The following ARHGAP26 variants were observed in gnomAD, a reference collection of about 807,000 sequenced individuals.
The protein encoded by ARHGAP26 is Rho GTPase activating protein 26, also known as rho GTPase-activating protein 26.
ARHGAP26 carries 38 observed loss-of-function variants against 104.8 expected under a neutral mutation model. That is an observed-to-expected ratio of 0.36 (90% CI 0.28 to 0.48). ARHGAP26 has a LOEUF of 0.48. Among genes scored for constraint, ARHGAP26 ranks in the 20% least tolerant of loss-of-function variants. The pLI, the probability that ARHGAP26 is intolerant of heterozygous loss-of-function variation, is 0.99. For synonymous variants in ARHGAP26, 341 were observed against 340.0 expected (o/e 1.00, Z -0.03); for missense variants, 704 against 947.9 (o/e 0.74, Z 3.38).
At chr5:143,029,396 T>A in intron 12 of ARHGAP26, among the ~76,000 whole-genome samples, 1 of 85,232 alleles carries the variant, frequency 1.2e-5, no homozygotes, top group Non-Finnish European at 2.0e-5. Context: ...TTCTCAGTTT[T>A]TTTTTTTTTT....
At chr5:142,846,832 A>G (rs182611056) in intron 1 of ARHGAP26, among the ~76,000 whole-genome samples, 2 of 152,320 alleles carry the variant, frequency 1.3e-5, no homozygotes, top group East Asian at 3.9e-4. Context: ...ATTGATTAGT[A>G]TGCTTAAAGC....
chr5:142,798,979 C>G (rs1401758183), intron 1 of ARHGAP26, among the ~76,000 whole-genome samples: 1 of 152,184 alleles, frequency 6.6e-6, no homozygotes, highest in Non-Finnish European at 1.5e-5. Flanking sequence ...TGCCTGGCAG[C>G]TTTCCTGGGC....
chr5:143,048,242 G>T (rs1441253321), intron 14 of ARHGAP26, among the ~76,000 whole-genome samples: 3 of 151,794 alleles, frequency 2.0e-5, no homozygotes, highest in Admixed American at 6.6e-5. Flanking sequence ...TAAACTTTAT[G>T]GTGCATTTGT....
In ARHGAP26 at chr5:142,907,697, C is replaced by T. The variant is rs769138847; in HGVS notation, c.833-7C>T. On this transcript the variant is annotated splice_region_variant and splice_polypyrimidine_tract_variant and intron_variant, in intron 8 of 22. Transcript: ENST00000645722. Reference sequence around the variant, plus strand: ...ATAGATATTTTATGGGAAATATTACCTTTCAGGTCACTTTGGAACTTCTTG... The same window carrying T: ...ATAGATATTTTATGGGAAATATTACTTTTCAGGTCACTTTGGAACTTCTTG... The T allele has an allele frequency of 4.4e-6, 7 of 1,584,718 alleles. No homozygotes were observed. The Admixed American group carries it at 1.0e-4, about 23-fold the overall frequency.
intron 17 of ARHGAP26, among the ~76,000 whole-genome samples, chr5:143,083,877 C>A (rs1266923788): frequency 2.0e-5 from 3 of 152,150 alleles, no homozygotes; most frequent in African/African-American, 7.2e-5. Flanking sequence ...AATAAGAAAA[C>A]CTTGAGATAC....
At chr5:142,949,202 A>AG (rs1445451552) in intron 11 of ARHGAP26, among the ~76,000 whole-genome samples, 503 of 21,460 alleles carry the variant, frequency 0.023, 53 homozygotes, top group East Asian at 0.12. Context: ...AGAGAGAGAG[A>AG]GAGAGAGAGA....
At chr5:143,014,033 G>C (rs759143663) in intron 11 of ARHGAP26, 47 bp from the exon 12 acceptor site, 1 of 1,585,024 alleles carries the variant, frequency 6.3e-7, no homozygotes, top group African/African-American at 1.3e-5. Flanking sequence ...TGAACCTATA[G>C]GGTGGCATAA....
At chr5:142,884,099 A>G (rs2152399560) in intron 4 of ARHGAP26, among the ~76,000 whole-genome samples, 1 of 152,378 alleles carries the variant, frequency 6.6e-6, no homozygotes, top group Non-Finnish European at 1.5e-5. Flanking sequence ...GGAATAATGT[A>G]CCCAATTAGC....
chr5:142,844,943 T>G (rs1304145119), intron 1 of ARHGAP26, among the ~76,000 whole-genome samples: 1 of 152,118 alleles, frequency 6.6e-6, no homozygotes, highest in Non-Finnish European at 1.5e-5. Context: ...CTCTGATGCC[T>G]GCTGAACTTA....
intron 11 of ARHGAP26, among the ~76,000 whole-genome samples, chr5:142,976,905 C>T (rs1240685397): frequency 6.6e-6 from 1 of 152,186 alleles, no homozygotes; most frequent in Non-Finnish European, 1.5e-5. Flanking sequence ...GGAGAAGCTC[C>T]TGGTCTGTAC....
chr5:142,886,068 T>C (rs1757657806), intron 5 of ARHGAP26, among the ~76,000 whole-genome samples: 1 of 152,206 alleles, frequency 6.6e-6, no homozygotes, highest in South Asian at 2.1e-4. Flanking sequence ...ATTTAGTTCA[T>C]GAAGATTGGC....
chr5:143,126,463 A>C (rs1796741214), intron 18 of ARHGAP26, among the ~76,000 whole-genome samples: 1 of 152,230 alleles, frequency 6.6e-6, no homozygotes, highest in African/African-American at 2.4e-5. Flanking sequence ...CACTTTAGAA[A>C]GACATCCTTG....
chr5:142,992,772 A>G (rs183558299), intron 11 of ARHGAP26, among the ~76,000 whole-genome samples: 5 of 152,324 alleles, frequency 3.3e-5, no homozygotes, highest in Middle Eastern at 3.4e-3. Flanking sequence ...ATCAGCTGCC[A>G]TACAGAGACC....
At chr5:143,013,316 C>G (rs566504175) in intron 11 of ARHGAP26, among the ~76,000 whole-genome samples, 2 of 152,158 alleles carry the variant, frequency 1.3e-5, no homozygotes, top group East Asian at 3.9e-4. Flanking sequence ...TTGATTTTGC[C>G]TCTTGGCCCA....
intron 13 of ARHGAP26, among the ~76,000 whole-genome samples, chr5:143,040,422 A>AGTGTATTTTACACTGTGTATTTTACAC (rs1783286953): frequency 8.0e-6 from 1 of 125,390 alleles, no homozygotes; most frequent in Non-Finnish European, 1.7e-5. Context: ...TTTGGCCCCC[A>AGTGTATTTTACACTGTGTATTTTACAC]AGTATTTTAT....
chr5:143,112,974 C>T (rs1241462139), intron 17 of ARHGAP26, among the ~76,000 whole-genome samples: 1 of 151,896 alleles, frequency 6.6e-6, no homozygotes, highest in Admixed American at 6.6e-5. Flanking sequence ...ACACATATAC[C>T]CAGAAGTGAA....
At chr5:142,812,086 C>G (rs954829101) in intron 1 of ARHGAP26, among the ~76,000 whole-genome samples, 7 of 152,072 alleles carry the variant, frequency 4.6e-5, no homozygotes, top group African/African-American at 1.7e-4. Flanking sequence ...GAAAGGCTCC[C>G]CCTCCCCACC....
intron 17 of ARHGAP26, among the ~76,000 whole-genome samples, chr5:143,074,410 G>T (rs1049264296): frequency 2.6e-5 from 4 of 152,024 alleles, no homozygotes; most frequent in African/African-American, 9.7e-5. Flanking sequence ...TAATCTCTCT[G>T]CCCAGGTCTG....
At chr5:143,054,313 A>G in intron 14 of ARHGAP26, 126 bp from the exon 15 acceptor site, 3 of 584,970 alleles carry the variant, frequency 5.1e-6, no homozygotes, top group Non-Finnish European at 8.7e-6. Flanking sequence ...GGTAAAAAAA[A>G]TACTTGTCAT....
Sources: allele counts gnomAD v4.1 joint callset (sites outside exome capture counted in the v4.1 genomes callset), GRCh38; gene constraint gnomAD v4.1.1; transcripts MANE v1.5; gene names NCBI Gene and HGNC (gene_info 2026-07-23, HGNC 2026-07-21).